L3MBTL1: variants seen among roughly 807,000 people sequenced by gnomAD.
The protein encoded by L3MBTL1 is L3MBTL histone methyl-lysine binding protein 1.
Under a neutral mutation model 105.3 loss-of-function variants are expected in L3MBTL1, and 75 were observed. The observed-to-expected ratio is 0.71, with a 90% CI of 0.59 to 0.86. The LOEUF (loss-of-function observed/expected upper bound fraction) is 0.86. Among genes scored for constraint, L3MBTL1 ranks in the 40% least tolerant of loss-of-function variants. The pLI, the probability that L3MBTL1 is intolerant of heterozygous loss-of-function variation, is 0.00. For synonymous variants in L3MBTL1, 452 were observed against 436.2 expected (o/e 1.04, Z -0.45); for missense variants, 1,069 against 1,126.4 (o/e 0.95, Z 0.73).
intron 7 of L3MBTL1, among the ~76,000 whole-genome samples, chr20:43,521,182 A>G (rs2018687131): frequency 1.3e-5 from 2 of 152,344 alleles, no homozygotes; most frequent in South Asian, 2.1e-4. Flanking sequence ...AGGCAAACAC[A>G]CAAATATCTC....
intron 7 of L3MBTL1, among the ~76,000 whole-genome samples, chr20:43,524,957 G>A (rs1388239305): frequency 6.6e-6 from 1 of 151,996 alleles, no homozygotes; most frequent in African/African-American, 2.4e-5. Flanking sequence ...TTTTTCATTT[G>A]ATATGTATTC....
intron 7 of L3MBTL1, chr20:43,523,649 G>A (rs554299165): frequency 1.5e-5 from 3 of 196,090 alleles, no homozygotes; most frequent in Admixed American, 1.5e-4. Flanking sequence ...CTGAAGGTCT[G>A]TACTGGTCAA....
intron 18 of L3MBTL1, among the ~76,000 whole-genome samples, chr20:43,547,879 T>C (rs1600974139): frequency 6.6e-6 from 1 of 152,168 alleles, no homozygotes; most frequent in African/African-American, 2.4e-5. Context: ...CCAGTGGCTG[T>C]CTTTCTTTCC....
Position 43,535,894 on chromosome 20 carries a change from G to T in L3MBTL1, c.1883G>T (p.Ser628Ile). Residue 628 changes from serine (S) to isoleucine (I), a missense_variant, in exon 17 of 22, where the codon AGC becomes ATC. By Grantham distance (142) the Ser-to-Ile change is moderately radical. Coordinates refer to ENST00000418998, the MANE Select transcript of L3MBTL1 (RefSeq NM_001377303.1). Reference sequence around the variant, plus strand: ...GGCTGTCCCCCTCTCAGCTATAGGAGCCTGCCCCACACTAGGACCTCCAAA... The same window carrying T: ...GGCTGTCCCCCTCTCAGCTATAGGATCCTGCCCCACACTAGGACCTCCAAA... ...PGGCPPLSYRSLPHTRTSKYS... is the reference protein window; with the variant it reads ...PGGCPPLSYRILPHTRTSKYS... 6.2e-7 allele frequency: 1 copy of T among 1,613,448 alleles called. No homozygotes were observed. The highest frequency in any genetic ancestry group is 8.5e-7 in the Non-Finnish European group (1 of 1,179,736).
intron 7 of L3MBTL1, among the ~76,000 whole-genome samples, chr20:43,525,005 A>G (rs940767131): frequency 6.6e-6 from 1 of 152,068 alleles, no homozygotes; most frequent in African/African-American, 2.4e-5. Context: ...ACCAGTTAAG[A>G]GGCTTTTGGA....
chr20:43,513,434 G>C, intron 1 of L3MBTL1, 42 bp from the exon 2 acceptor site: 2 of 1,514,900 alleles, frequency 1.3e-6, no homozygotes. Flanking sequence ...CTGTAACAAA[G>C]GTCCCCACCT....
At chr20:43,514,134 G>A in intron 3 of L3MBTL1, 73 bp downstream of exon 3, 2 of 1,311,496 alleles carry the variant, frequency 1.5e-6, no homozygotes, top group Non-Finnish European at 2.1e-6. Context: ...CCCGGAGGCT[G>A]GACCTGAGAC....
intron 1 of L3MBTL1, 130 bp downstream of exon 1, chr20:43,507,874 G>C (rs943702883): frequency 3.9e-5 from 6 of 152,356 alleles, no homozygotes; most frequent in African/African-American, 9.6e-5. Flanking sequence ...GCCTCCGGCG[G>C]GGGGCGCGGG....
intron 1 of L3MBTL1, among the ~76,000 whole-genome samples, chr20:43,511,643 A>G (rs180713230): frequency 1.4e-3 from 220 of 152,026 alleles, no homozygotes; most frequent in African/African-American, 4.9e-3. Flanking sequence ...TAGCCAGGCT[A>G]TGTGGTATGT....
At chr20:43,547,570 T>A (rs1978699318) in intron 18 of L3MBTL1, among the ~76,000 whole-genome samples, 1 of 152,228 alleles carries the variant, frequency 6.6e-6, no homozygotes, top group South Asian at 2.1e-4. Context: ...TGTCACTGTC[T>A]CTGTTTCTCT....
chr20:43,542,256 T>G (rs1431160310), downstream of L3MBTL1, among the ~76,000 whole-genome samples: 1 of 151,698 alleles, frequency 6.6e-6, no homozygotes, highest in Non-Finnish European at 1.5e-5. Flanking sequence ...CCTGGAAGAG[T>G]GTCTGTATCC....
chr20:43,543,164 C>T (rs1978338221), downstream of L3MBTL1, among the ~76,000 whole-genome samples: 1 of 151,334 alleles, frequency 6.6e-6, no homozygotes, highest in Non-Finnish European at 1.5e-5. Flanking sequence ...TAAATGTTAT[C>T]TGGTTGGTTT....
intron 1 of L3MBTL1, among the ~76,000 whole-genome samples, chr20:43,510,619 G>C (rs1238962930): frequency 2.0e-5 from 3 of 150,792 alleles, no homozygotes; most frequent in Non-Finnish European, 4.4e-5. Context: ...GTTTCACCAT[G>C]TTGGTCAGAC....
intron 11 of L3MBTL1, chr20:43,532,532 T>TA (rs2019393854): frequency 2.2e-6 from 1 of 458,300 alleles, no homozygotes; most frequent in Admixed American, 3.8e-5. Flanking sequence ...TCCAGGCACT[T>TA]ACCTTCTGAC....
intron 7 of L3MBTL1, among the ~76,000 whole-genome samples, chr20:43,519,917 T>C (rs1030968088): frequency 6.6e-6 from 1 of 152,254 alleles, no homozygotes; most frequent in Non-Finnish European, 1.5e-5. Flanking sequence ...AGGTACCGGT[T>C]CTTAATAGCT....
chr20:43,542,611 C>CAAAA (rs5841503), downstream of L3MBTL1, among the ~76,000 whole-genome samples: 56 of 112,448 alleles, frequency 5.0e-4, no homozygotes, highest in Middle Eastern at 4.7e-3. Context: ...AAAAATTTAA[C>CAAAA]AAAAAAAAAA....
downstream of L3MBTL1, among the ~76,000 whole-genome samples, chr20:43,542,668 A>G (rs2019962412): frequency 2.0e-5 from 3 of 151,906 alleles, no homozygotes; most frequent in Non-Finnish European, 2.9e-5. Context: ...TCATACCAGA[A>G]AGTTCTTTCT....
chr20:43,530,461 T>C, intron 10 of L3MBTL1, 42 bp downstream of exon 10: 1 of 1,593,600 alleles, frequency 6.3e-7, no homozygotes. Flanking sequence ...CAGTGAGTCC[T>C]CAGACCCTTC....
intron 16 of L3MBTL1, among the ~76,000 whole-genome samples, chr20:43,535,602 T>C (rs2019563387): frequency 6.6e-6 from 1 of 152,196 alleles, no homozygotes; most frequent in South Asian, 2.1e-4. Flanking sequence ...TCTCAGAGAC[T>C]GAGGGCATAG....
Sources: allele counts gnomAD v4.1 joint callset (sites outside exome capture counted in the v4.1 genomes callset), GRCh38; gene constraint gnomAD v4.1.1; transcripts MANE v1.5; gene names NCBI Gene and HGNC (gene_info 2026-07-23, HGNC 2026-07-21).